Variants in CBX2 observed in about 807,000 individuals in gnomAD.
CBX2 encodes chromobox 2, also known as chromobox protein homolog 2.
A neutral mutation model predicts 21.0 loss-of-function variants in CBX2; 11 were observed. The ratio of observed to expected loss-of-function variants is 0.52; its 90% CI spans 0.33 to 0.87. CBX2 has a LOEUF of 0.87. CBX2 is among the 40% of genes least tolerant of loss of function. CBX2 has a pLI of 0.02. For missense variants in CBX2, 746 were observed against 724.3 expected, an observed-to-expected ratio of 1.03 and a Z score of -0.34; for synonymous variants, 364 against 304.6, an observed-to-expected ratio of 1.19 and a Z score of -2.03.
At chr17:79,777,629 G>T (rs996993311), upstream of CBX2, among the ~76,000 whole-genome samples, 1 of 151,380 alleles carries the variant, frequency 6.6e-6, no homozygotes, top group Non-Finnish European at 1.5e-5. Context: ...TTTTGCTCTC[G>T]TCCAAAACAG....
Position 79,784,676 on chromosome 17 carries a change from T to G in CBX2, c.1233T>G (p.Ser411Arg). 6.2e-7 allele frequency: 1 copy of G among 1,610,470 alleles called. No individual in the cohort carries two copies. Among genetic ancestry groups the G allele is most frequent in the Non-Finnish European group, 8.5e-7 (1 of 1,179,390 alleles). ...GATMPTDTSK[S>R]EKLASRAVAP... The stretch of plus-strand genomic sequence containing the variant: ...CCATGCCCACCGACACAAGCAAAAG[T>G]GAGAAGCTGGCTTCCAGAGCAGTGG... The change falls in exon 5 of 5, where the codon AGT becomes AGG. Residue 411 changes from serine to arginine, a missense_variant. Physicochemically the swap from Ser to Arg is moderately radical, Grantham distance 110. Around this residue, in one of 2 missense-constraint regions of CBX2, gnomAD observed 701 missense variants for 650.7 expected, o/e 1.08. Coordinates refer to ENST00000310942, the MANE Select transcript of CBX2 (RefSeq NM_005189.3). The surrounding 1 kb of genome is among the most constrained non-coding windows in gnomAD (Gnocchi z 5.9).
chr17:79,783,208 C>T (rs1172498313), intron 4 of CBX2, among the ~76,000 whole-genome samples: 2 of 152,206 alleles, frequency 1.3e-5, no homozygotes, highest in East Asian at 3.9e-4. Flanking sequence ...TTTTACGAGC[C>T]ACCTATTTTT....
In CBX2 at chr17:79,783,806, TGAA is replaced by T. The variant is rs1907413041; in HGVS notation, c.366_368del (p.Glu123del). 2 of 1,593,040 alleles carry T rather than the reference TGAA, an allele frequency of 1.3e-6. No homozygotes were observed. Among genetic ancestry groups the T allele is most frequent in the African/African-American group, 1.3e-5 (1 of 74,186 alleles). ...CCACGTCATCCTCCTCTTCCTCAGA[TGAA>T]GAGGATGACAGTGACTTAGATGCTA... is the stretch of plus-strand genomic sequence containing the variant. On this transcript the variant is annotated inframe_deletion, in exon 5 of 5. Coordinates refer to ENST00000310942, the MANE Select transcript of CBX2 (RefSeq NM_005189.3).
At chr17:79,782,011 C>T (rs1376904572) in intron 4 of CBX2, 7 of 1,613,992 alleles carry the variant, frequency 4.3e-6, no homozygotes, top group Non-Finnish European at 5.9e-6. Context: ...CCTCCCCGCC[C>T]CTCCCAGGGG....
intron 4 of CBX2, 122 bp from the exon 5 acceptor site, chr17:79,783,610 A>T: frequency 1.2e-6 from 1 of 833,712 alleles, no homozygotes; most frequent in Non-Finnish European, 2.0e-6. Context: ...GGGCTCCACT[A>T]TGTTGGCCAG....
chr17:79,784,838 C>T lies in CBX2; in HGVS notation c.1395C>T (p.Ser465=). The T allele has an allele frequency of 8.1e-6, 13 of 1,612,462 alleles. No homozygotes were observed. The highest frequency in any genetic ancestry group is 1.1e-5 in the Non-Finnish European group (13 of 1,179,706). Residue 465 remains serine (S), a synonymous_variant, in exon 5 of 5, where the codon AGC becomes AGT. Coordinates refer to ENST00000310942, the MANE Select transcript of CBX2 (RefSeq NM_005189.3). This position sits in a 1 kb window ranked among gnomAD's most constrained non-coding sequence, Gnocchi z 5.9. The part of the protein sequence containing the change: ...LPEMSAGEES[S]SSDSDPDSAS... ...AGATGAGCGCAGGTGAGGAGAGTAG[C>T]AGCTCGGACTCCGACCCCGACTCCG...
chr17:79,778,329 C>A lies in CBX2; in HGVS notation c.72+22C>A, dbSNP rs1906891152. ...CAAGGTGCGTGCGGCCCGCCGGGCC[C>A]CCCGCCCGCCGCCCGCTGTCCGTCT... On this transcript the variant is annotated intron_variant, in intron 1 of 4. Coordinates refer to ENST00000310942, the MANE Select transcript of CBX2 (RefSeq NM_005189.3). The surrounding 1 kb of genome is among the most constrained non-coding windows in gnomAD (Gnocchi z 4.8). 2.6e-6 allele frequency: 4 copies of A among 1,565,526 alleles called. No homozygotes were observed. Among genetic ancestry groups the A allele is most frequent in the South Asian group, 1.2e-5 (1 of 86,532 alleles).
upstream of CBX2, among the ~76,000 whole-genome samples, chr17:79,777,427 G>A (rs1205946007): frequency 1.3e-5 from 2 of 152,238 alleles, no homozygotes; most frequent in African/African-American, 4.8e-5. Context: ...AAAACTCGGG[G>A]GCTGGATCCA....
At chr17:79,782,177 G>C in intron 4 of CBX2, 1 of 1,612,364 alleles carries the variant, frequency 6.2e-7, no homozygotes. Flanking sequence ...GGCTGGATGT[G>C]ACTCAAAAGC....
At position 79,784,913 on chromosome 17, in the gene CBX2, C is replaced by T. The variant is rs963046456; in HGVS notation, c.1470C>T (p.Ser490=). 1 of 1,613,434 alleles carries T rather than the reference C, an allele frequency of 6.2e-7. No homozygotes were observed. The highest frequency in any genetic ancestry group is 8.5e-7 in the Non-Finnish European group (1 of 1,180,030). ...ACCCGTCAGTGTCCGTTCAGACCAGCCAGGACTGGAAGCCCACCCGCAGCC... is the reference window on the plus strand; with the variant it reads ...ACCCGTCAGTGTCCGTTCAGACCAGTCAGGACTGGAAGCCCACCCGCAGCC... ...GQNPSVSVQT[S]QDWKPTRSLI... The change falls in exon 5 of 5, where the codon AGC becomes AGT. Residue 490 remains serine, a synonymous_variant. Coordinates refer to ENST00000310942, the MANE Select transcript of CBX2 (RefSeq NM_005189.3). This position sits in a 1 kb window ranked among gnomAD's most constrained non-coding sequence, Gnocchi z 5.9.
rs62075175 is a variant in CBX2, at chr17:79,783,791, C to T, written c.348C>T (p.Ser116=). The T allele has an allele frequency of 8.2e-6, 13 of 1,578,326 alleles. No homozygotes were observed. The highest frequency in any genetic ancestry group is 1.1e-5 in the South Asian group (1 of 87,226). ...SSSSSSSSTS[S]SSSSDEEDDS... The stretch of plus-strand genomic sequence containing the variant: ...GTTCCTCCTCTTCCTCCACGTCATC[C>T]TCCTCTTCCTCAGATGAAGAGGATG... Residue 116 remains serine (S), a synonymous_variant, in exon 5 of 5, where the codon TCC becomes TCT. Coordinates refer to ENST00000310942, the MANE Select transcript of CBX2 (RefSeq NM_005189.3).
In CBX2 at chr17:79,783,871, C is replaced by T. The variant is rs1907419424; in HGVS notation, c.428C>T (p.Pro143Leu). The stretch of plus-strand genomic sequence containing the variant: ...CGGGGCCGCGAGACCCACCCAGTGC[C>T]GCAGAAGAAGGCCCAGATCCTGGTG... ...GPRGRETHPVPQKKAQILVAK... is the reference protein window; with the variant it reads ...GPRGRETHPVLQKKAQILVAK... The change falls in exon 5 of 5, where the codon CCG (proline) becomes CTG (leucine). Residue 143 changes from proline (P) to leucine (L), a missense_variant. By Grantham distance (98) the Pro-to-Leu change is moderately conservative (BLOSUM62 -3). Around this residue, in one of 2 missense-constraint regions of CBX2, gnomAD observed 701 missense variants for 650.7 expected, o/e 1.08. Coordinates refer to ENST00000310942, the MANE Select transcript of CBX2 (RefSeq NM_005189.3). 1.2e-6 allele frequency: 2 copies of T among 1,613,910 alleles called. No homozygotes were observed. Among genetic ancestry groups the T allele is most frequent in the African/African-American group, 1.3e-5 (1 of 74,934 alleles).
At position 79,784,833 on chromosome 17, in the gene CBX2, A is replaced by G. The variant is rs782334154; in HGVS notation, c.1390A>G (p.Ser464Gly). Residue 464 changes from serine (S) to glycine (G), a missense_variant, in exon 5 of 5, where the codon AGT becomes GGT. Physicochemically the swap from Ser to Gly is moderately conservative, Grantham distance 56 (BLOSUM62 0). Coordinates refer to ENST00000310942, the MANE Select transcript of CBX2 (RefSeq NM_005189.3). This position sits in a 1 kb window ranked among gnomAD's most constrained non-coding sequence, Gnocchi z 5.9. ...GCCAGAGATGAGCGCAGGTGAGGAG[A>G]GTAGCAGCTCGGACTCCGACCCCGA... ...TLPEMSAGEE[S>G]SSSDSDPDSA... 5 of 1,612,344 alleles carry G rather than the reference A, an allele frequency of 3.1e-6. No individual in the cohort carries two copies. Among genetic ancestry groups the G allele is most frequent in the South Asian group, 1.1e-5 (1 of 90,962 alleles).
At position 79,787,247 on chromosome 17, in the gene CBX2, T is replaced by C. The variant is rs1907700440; in HGVS notation, c.*2205T>C. 1 of 152,538 alleles carries C rather than the reference T, an allele frequency of 6.6e-6. No homozygotes were observed. The highest frequency in any genetic ancestry group is 1.5e-5 in the Non-Finnish European group (1 of 68,080). The allele number at this position is 152,538 out of a possible 1,614,324, so 9.4% of individuals were successfully genotyped here. ...CCAGACTAACAGCTCTCCAAGCCCT[T>C]GGGGTGACTCGGCTTCCAGGAGCTG... On this transcript the variant is annotated 3_prime_UTR_variant, in exon 5 of 5. Coordinates refer to ENST00000310942, the MANE Select transcript of CBX2 (RefSeq NM_005189.3).
In CBX2 at chr17:79,784,057, G is replaced by C; in HGVS notation, c.614G>C (p.Ser205Thr). Residue 205 changes from serine (S) to threonine (T), a missense_variant, in exon 5 of 5, where the codon AGC becomes ACC. Around this residue, in one of 2 missense-constraint regions of CBX2, gnomAD observed 701 missense variants for 650.7 expected, o/e 1.08. Coordinates refer to ENST00000310942, the MANE Select transcript of CBX2 (RefSeq NM_005189.3). This position sits in a 1 kb window ranked among gnomAD's most constrained non-coding sequence, Gnocchi z 5.9. ...GCCAGCAAGCTGCCCCCTCCACTCA[G>C]CGCCCCCGTTGCAGGCCTGGCAGCT... is the stretch of plus-strand genomic sequence containing the variant. ...APASKLPPPL[S>T]APVAGLAALK... 1.2e-6 allele frequency: 2 copies of C among 1,612,646 alleles called. No homozygotes were observed. Among genetic ancestry groups the C allele is most frequent in the Admixed American group, 1.7e-5 (1 of 60,010 alleles).
At chr17:79,782,627 C>A in intron 4 of CBX2, 1 of 479,944 alleles carries the variant, frequency 2.1e-6, no homozygotes, top group Non-Finnish European at 2.9e-6. Context: ...GCTGTAGAAT[C>A]TTGTTGGCTG....
In CBX2 at chr17:79,778,492, C is replaced by T. The variant is rs1265576626; in HGVS notation, c.116+65C>T. 3.5e-6 allele frequency: 4 copies of T among 1,144,954 alleles called. No homozygotes were observed. Among genetic ancestry groups the T allele is most frequent in the East Asian group, 3.2e-5 (1 of 31,250 alleles). The allele number at this position is 1,144,954 out of a possible 1,614,324, so 70.9% of individuals were successfully genotyped here. A position where few individuals can be genotyped will look rare whatever the true frequency, so the allele number is the denominator to read the frequency against. On this transcript the variant is annotated intron_variant, in intron 2 of 4. Transcript: ENST00000310942. The surrounding 1 kb of genome is among the most constrained non-coding windows in gnomAD (Gnocchi z 4.8). Reference sequence around the variant, plus strand: ...CGCCCGGGGGTGGGGACGTGGAGCCCCTCGGCCGCGCCGTCCGGTGGCCTG... The same window carrying T: ...CGCCCGGGGGTGGGGACGTGGAGCCTCTCGGCCGCGCCGTCCGGTGGCCTG...
Position 79,784,799 on chromosome 17 carries a change from G to A in CBX2, c.1356G>A (p.Ala452=), listed in dbSNP as rs199566347. Residue 452 remains alanine, a synonymous_variant, in exon 5 of 5, where the codon GCG becomes GCA. Coordinates refer to ENST00000310942, the MANE Select transcript of CBX2 (RefSeq NM_005189.3). This position sits in a 1 kb window ranked among gnomAD's most constrained non-coding sequence, Gnocchi z 5.9. The stretch of plus-strand genomic sequence containing the variant: ...CAGCCCCCGGAGAAGCCCGCAAGGC[G>A]GCCACACTGCCAGAGATGAGCGCAG... ...SRTAPGEARK[A]ATLPEMSAGE... The A allele has an allele frequency of 6.4e-4, 1,038 of 1,610,880 alleles. 3 individuals are homozygous for A. The highest frequency in any genetic ancestry group is 2.6e-3 in the African/African-American group (197 of 74,998).
chr17:79,782,116 G>T, intron 4 of CBX2: 1 of 1,613,266 alleles, frequency 6.2e-7, no homozygotes, highest in Non-Finnish European at 8.5e-7. Context: ...GGTCCTTGGG[G>T]GACGGAAAGG....
Sources: allele counts gnomAD v4.1 joint callset (sites outside exome capture counted in the v4.1 genomes callset), GRCh38; gene constraint gnomAD v4.1.1; regional missense constraint gnomAD v4.1.1; non-coding constraint Gnocchi (gnomAD v3.1); transcripts MANE v1.5; gene names NCBI Gene and HGNC (gene_info 2026-07-23, HGNC 2026-07-21).